Variants in AKAIN1 observed in about 807,000 individuals in gnomAD.
AKAIN1 encodes A-kinase anchor protein inhibitor 1.
Under a neutral mutation model 3.7 loss-of-function variants are expected in AKAIN1, and 3 were observed. The observed-to-expected ratio is 0.82, with a 90% CI of 0.37 to 2.12. The LOEUF (loss-of-function observed/expected upper bound fraction) is 2.12. Ranked by LOEUF, AKAIN1 falls within the 30% of genes most tolerant of loss-of-function variation. The pLI is 0.06. For missense variants in AKAIN1, 82 were observed against 82.7 expected (o/e 0.99, Z 0.03); for synonymous variants, 31 against 30.8 (o/e 1.01, Z -0.02).
At chr18:5,192,390 T>TTTCC (rs2071324187) in intron 1 of AKAIN1, among the ~76,000 whole-genome samples, 1 of 81,838 alleles carries the variant, frequency 1.2e-5, no homozygotes, top group African/African-American at 4.6e-5. Context: ...GCTAATTTTC[T>TTTCC]TTCTTTCTTT....
chr18:5,197,129 T>G lies in AKAIN1; in HGVS notation c.-76A>C, dbSNP rs2071353121. 6 of 1,545,726 alleles carry G rather than the reference T, an allele frequency of 3.9e-6. No homozygotes were observed. In the East Asian group the frequency reaches 1.5e-4, roughly 38 times the overall value. ...CGGAGGATGGGAAGAAGGCCGGACT[T>G]GGCGGGGTCCGGTGCAGGAGGGCGC... is the stretch of plus-strand genomic sequence containing the variant. On this transcript the variant is annotated 5_prime_UTR_variant, in exon 1 of 2. Transcript: ENST00000434239. This position sits in a 1 kb window ranked among gnomAD's most constrained non-coding sequence, Gnocchi z 6.9.
chr18:5,161,999 C>T (rs555463424), intron 1 of AKAIN1, among the ~76,000 whole-genome samples: 2 of 152,062 alleles, frequency 1.3e-5, no homozygotes, highest in African/African-American at 2.4e-5. Context: ...ATCTGAGAGG[C>T]GTATGTACCA....
At chr18:5,185,041 G>T (rs1406945638) in intron 1 of AKAIN1, among the ~76,000 whole-genome samples, 1 of 151,928 alleles carries the variant, frequency 6.6e-6, no homozygotes, top group Non-Finnish European at 1.5e-5. Flanking sequence ...AAATATTACT[G>T]CACACCTACC....
chr18:5,145,043 T>C lies in AKAIN1; in HGVS notation c.*519A>G, dbSNP rs1727035825. Among the ~76,000 whole-genome samples, 1 of 152,174 alleles carries C rather than the reference T, an allele frequency of 6.6e-6. No individual in the cohort carries two copies. ...GGTATGGTCCCGAGGGACTCAGCCT[T>C]AGAATTTCCCTTTTCTTAATTTGAT... On this transcript the variant is annotated 3_prime_UTR_variant, in exon 2 of 2. Transcript: ENST00000434239.
chr18:5,182,659 A>T (rs184039160), intron 1 of AKAIN1, among the ~76,000 whole-genome samples: 1 of 152,104 alleles, frequency 6.6e-6, no homozygotes, highest in Non-Finnish European at 1.5e-5. Context: ...AACTAGTCCA[A>T]TTCCATTGAT....
chr18:5,186,876 T>C (rs1017102483), intron 1 of AKAIN1, among the ~76,000 whole-genome samples: 5 of 152,056 alleles, frequency 3.3e-5, no homozygotes, highest in Non-Finnish European at 7.4e-5. Context: ...TAGAAATCAA[T>C]AACAAAAATT....
In AKAIN1 at chr18:5,192,083, G is replaced by GTATTTTGGAT. The variant is rs1356511435; in HGVS notation, c.16+4945_16+4954dup. ...GCTCAAAAAAGTTTCAGATTTTGGAGTATTTTGGATTTCAGATTTTTGGAT... is the reference window on the plus strand; with the variant it reads ...GCTCAAAAAAGTTTCAGATTTTGGAGTATTTTGGATTATTTTGGATTTCAGATTTTTGGAT... On this transcript the variant is annotated intron_variant, in intron 1 of 1. Coordinates refer to ENST00000434239, the MANE Select transcript of AKAIN1 (RefSeq NM_001145194.2). 5.3e-5 allele frequency among the ~76,000 whole-genome samples: 8 copies of GTATTTTGGAT among 152,278 alleles called. No individual in the cohort carries two copies. The East Asian group carries it at 1.5e-3, about 29-fold the overall frequency.
chr18:5,172,721 T>TA (rs1036229085), intron 1 of AKAIN1, among the ~76,000 whole-genome samples: 6 of 151,802 alleles, frequency 4.0e-5, no homozygotes, highest in South Asian at 4.1e-4. Flanking sequence ...TAAAAATATA[T>TA]AAAAAATTGA....
intron 1 of AKAIN1, among the ~76,000 whole-genome samples, chr18:5,155,693 A>G (rs1351425763): frequency 6.6e-6 from 1 of 152,206 alleles, no homozygotes; most frequent in Non-Finnish European, 1.5e-5. Context: ...GGACTCCCAG[A>G]TGCAGGAGTC....
In AKAIN1 at chr18:5,197,230, C is replaced by G. The variant is rs1225965727; in HGVS notation, c.-177G>C. 11 of 1,384,372 alleles carry G rather than the reference C, an allele frequency of 7.9e-6. No homozygotes were observed. The highest frequency in any genetic ancestry group is 9.3e-6 in the Non-Finnish European group (10 of 1,080,112). 85.8% of individuals were successfully genotyped at this position (1,384,372 alleles called of 1,614,324 possible). ...CTAGATCCTGGGGCCGCAGCTCCAG[C>G]CGCCGCCGCGCGCTCTGCCTCCACA... On this transcript the variant is annotated 5_prime_UTR_variant, in exon 1 of 2. Transcript: ENST00000434239. This position sits in a 1 kb window ranked among gnomAD's most constrained non-coding sequence, Gnocchi z 6.9.
chr18:5,159,282 G>A (rs934600749), intron 1 of AKAIN1: 6 of 151,970 alleles, frequency 3.9e-5, no homozygotes, highest in Middle Eastern at 3.2e-3. Flanking sequence ...TTAATGTCAC[G>A]TGTTTCACCC....
chr18:5,157,761 T>G (rs2071116523), intron 1 of AKAIN1, among the ~76,000 whole-genome samples: 1 of 152,144 alleles, frequency 6.6e-6, no homozygotes, highest in Non-Finnish European at 1.5e-5. Flanking sequence ...TGGAGTGCAG[T>G]GGCATGATAA....
At chr18:5,150,004 T>G (rs1034684328) in intron 1 of AKAIN1, among the ~76,000 whole-genome samples, 18 of 152,126 alleles carry the variant, frequency 1.2e-4, no homozygotes, top group Admixed American at 4.6e-4. Flanking sequence ...AAGCCAGCAA[T>G]AGGTTGAATA....
In AKAIN1 at chr18:5,143,941, C is replaced by T. The variant is rs1437244534; in HGVS notation, c.*1621G>A. On this transcript the variant is annotated 3_prime_UTR_variant, in exon 2 of 2. Coordinates refer to ENST00000434239, the MANE Select transcript of AKAIN1 (RefSeq NM_001145194.2). ...TTTGTGGCACTCCTGAATAATTTCC[C>T]TGAATACCTTCATTCTCACTATGTA... Among the ~76,000 whole-genome samples the T allele has an allele frequency of 6.6e-6, 1 of 152,170 alleles. No homozygotes were observed. Among genetic ancestry groups the T allele is most frequent in the African/African-American group, 2.4e-5 (1 of 41,432 alleles).
At chr18:5,197,400 G>T, upstream of AKAIN1, 1 of 1,258,582 alleles carries the variant, frequency 7.9e-7, no homozygotes, top group South Asian at 3.1e-5. The surrounding 1 kb of genome is among the most constrained non-coding windows in gnomAD (Gnocchi z 6.9). Flanking sequence ...GGAAGAGCAA[G>T]AGAGAGAAAG....
Position 5,145,520 on chromosome 18 carries a change from A to G in AKAIN1, c.*42T>C. ...GGAGATGCGTCCTATACTAAGAGGA[A>G]GGCTAGAAACCAAGCACATGTCAAG... is the stretch of plus-strand genomic sequence containing the variant. On this transcript the variant is annotated 3_prime_UTR_variant, in exon 2 of 2. Coordinates refer to ENST00000434239, the MANE Select transcript of AKAIN1 (RefSeq NM_001145194.2). 1.3e-6 allele frequency: 2 copies of G among 1,512,252 alleles called. No homozygotes were observed. Among genetic ancestry groups the G allele is most frequent in the Non-Finnish European group, 1.8e-6 (2 of 1,116,114 alleles). 93.7% of individuals were successfully genotyped at this position (1,512,252 alleles called of 1,614,324 possible). A position where few individuals can be genotyped will look rare whatever the true frequency, so the allele number is the denominator to read the frequency against.
At chr18:5,197,608 T>A, upstream of AKAIN1, 1 of 532,504 alleles carries the variant, frequency 1.9e-6, no homozygotes, top group Non-Finnish European at 2.8e-6. This position sits in a 1 kb window ranked among gnomAD's most constrained non-coding sequence, Gnocchi z 6.9. Context: ...AGTTAATAGG[T>A]CCTGGAGGTC....
chr18:5,191,749 T>A (rs937393344), intron 1 of AKAIN1, among the ~76,000 whole-genome samples: 5 of 152,316 alleles, frequency 3.3e-5, no homozygotes, highest in African/African-American at 9.6e-5. Context: ...AGGTTGAGTA[T>A]TCCTTATCCA....
chr18:5,196,899 C>T (rs2071350956), intron 1 of AKAIN1, 139 bp downstream of exon 1: 3 of 803,062 alleles, frequency 3.7e-6, no homozygotes, highest in Admixed American at 2.1e-5. Context: ...CGAGGCACTC[C>T]TCCGCCCCAT....
Sources: gnomAD v4.1 joint callset for allele counts (sites outside exome capture counted in the v4.1 genomes callset) on GRCh38, gnomAD v4.1.1 for gene constraint, Gnocchi (gnomAD v3.1) non-coding constraint, MANE v1.5 for transcripts, NCBI Gene and HGNC (gene_info 2026-07-23, HGNC 2026-07-21) for gene names.